The following CDYL2 variants were observed in gnomAD, a reference collection of about 807,000 sequenced individuals.
CDYL2 encodes the protein chromodomain Y like 2, also known as chromodomain Y-like protein 2.
CDYL2 carries 23 observed loss-of-function variants against 49.4 expected under a neutral mutation model. The observed-to-expected ratio is 0.47, with a 90% CI of 0.34 to 0.66. The LOEUF (loss-of-function observed/expected upper bound fraction) is 0.66, where lower values mean the gene tolerates loss of function less well. Among genes scored for constraint, CDYL2 ranks in the 30% least tolerant of loss-of-function variants. The pLI is 0.01. For missense variants in CDYL2, 678 were observed against 656.4 expected, an observed-to-expected ratio of 1.03 and a Z score of -0.36; for synonymous variants, 360 against 268.8, an observed-to-expected ratio of 1.34 and a Z score of -3.32.
rs116510310 is a variant in CDYL2, at chr16:80,669,827, T to C, written c.616+14711A>G. Among the ~76,000 whole-genome samples, 582 of 152,310 alleles carry C rather than the reference T, an allele frequency of 3.8e-3. 6 individuals carry two copies. Among genetic ancestry groups the C allele is most frequent in the African/African-American group, 0.013 (559 of 41,564 alleles). Reference sequence around the variant, plus strand: ...GCTGAGTATTTCTGCACACATGGGCTGTGGTGACACATGGCTCAGCCATGA... The same window carrying C: ...GCTGAGTATTTCTGCACACATGGGCCGTGGTGACACATGGCTCAGCCATGA... On this transcript the variant is annotated intron_variant, in intron 2 of 6. Coordinates refer to ENST00000570137, the MANE Select transcript of CDYL2 (RefSeq NM_152342.4).
At chr16:80,605,742 A>G (rs944825621) in intron 6 of CDYL2, among the ~76,000 whole-genome samples, 1 of 152,112 alleles carries the variant, frequency 6.6e-6, no homozygotes, top group African/African-American at 2.4e-5. Flanking sequence ...GATTGTAGTA[A>G]TATTTGTAAT....
intron 1 of CDYL2, among the ~76,000 whole-genome samples, chr16:80,733,999 G>A (rs1204126403): frequency 6.6e-6 from 1 of 152,138 alleles, no homozygotes; most frequent in Non-Finnish European, 1.5e-5. Flanking sequence ...ATGGGAAACT[G>A]GCTTTGCTAA....
intron 2 of CDYL2, among the ~76,000 whole-genome samples, chr16:80,635,178 C>T (rs566493646): frequency 6.6e-6 from 1 of 152,296 alleles, no homozygotes; most frequent in South Asian, 2.1e-4. Flanking sequence ...TGATCCACCA[C>T]ATCAATAGGC....
intron 1 of CDYL2, among the ~76,000 whole-genome samples, chr16:80,754,564 C>T (rs574160488): frequency 1.3e-5 from 2 of 152,164 alleles, no homozygotes; most frequent in Non-Finnish European, 2.9e-5. Context: ...TAGATGAAGG[C>T]AGTCTAGCGT....
chr16:80,740,506 C>T (rs1366299916), intron 1 of CDYL2, among the ~76,000 whole-genome samples: 1 of 152,148 alleles, frequency 6.6e-6, no homozygotes, highest in Non-Finnish European at 1.5e-5. Flanking sequence ...TTTTTAATAT[C>T]AGTTTAGAAC....
chr16:80,604,870 CTG>C lies in CDYL2; in HGVS notation c.1363-326_1363-325del, dbSNP rs199805537. 9.6e-3 allele frequency among the ~76,000 whole-genome samples: 1,458 copies of C among 152,326 alleles called. 22 individuals carry two copies. Among genetic ancestry groups the C allele is most frequent in the African/African-American group, 0.033 (1,390 of 41,558 alleles). ...GTGTCATGAAAAAGTGTGGGAGACA[CTG>C]TTTTAACCTCCCGTGATTCATTTTC... On this transcript the variant is annotated intron_variant, in intron 6 of 6. Coordinates refer to ENST00000570137, the MANE Select transcript of CDYL2 (RefSeq NM_152342.4).
chr16:80,778,026 G>T (rs921388750), intron 1 of CDYL2, among the ~76,000 whole-genome samples: 4 of 151,820 alleles, frequency 2.6e-5, no homozygotes, highest in African/African-American at 9.7e-5. Flanking sequence ...AAAAAAATCT[G>T]TTACTAAATT....
At chr16:80,648,992 T>C (rs1185276805) in intron 2 of CDYL2, among the ~76,000 whole-genome samples, 1 of 152,100 alleles carries the variant, frequency 6.6e-6, no homozygotes, top group Admixed American at 6.6e-5. Flanking sequence ...GGAATATACC[T>C]CAACATAACA....
intron 3 of CDYL2, among the ~76,000 whole-genome samples, chr16:80,623,276 A>G (rs1907162835): frequency 6.6e-6 from 1 of 152,154 alleles, no homozygotes; most frequent in Non-Finnish European, 1.5e-5. Context: ...TCTACCCCAC[A>G]GTATCTTGGG....
chr16:80,739,758 G>A (rs1365314814), intron 1 of CDYL2, among the ~76,000 whole-genome samples: 1 of 152,192 alleles, frequency 6.6e-6, no homozygotes, highest in African/African-American at 2.4e-5. Context: ...GCTGCTCTCA[G>A]AGAGACAGAG....
intron 1 of CDYL2, among the ~76,000 whole-genome samples, chr16:80,702,461 G>A (rs1904307060): frequency 6.6e-6 from 1 of 152,120 alleles, no homozygotes; most frequent in Non-Finnish European, 1.5e-5. Context: ...ATTAGGAAAA[G>A]CAGACAGGTC....
chr16:80,728,264 A>T (rs2142535664), intron 1 of CDYL2, among the ~76,000 whole-genome samples: 1 of 152,250 alleles, frequency 6.6e-6, no homozygotes, highest in Non-Finnish European at 1.5e-5. Flanking sequence ...GAGCTGATGG[A>T]GCTGAAAGCC....
chr16:80,722,036 G>A (rs77599766), intron 1 of CDYL2, among the ~76,000 whole-genome samples: 1 of 152,192 alleles, frequency 6.6e-6, no homozygotes, highest in African/African-American at 2.4e-5. Flanking sequence ...CAGGAGCTGA[G>A]AGAATGTCTA....
chr16:80,754,731 A>C (rs1052105661), intron 1 of CDYL2, among the ~76,000 whole-genome samples: 2 of 152,174 alleles, frequency 1.3e-5, no homozygotes, highest in African/African-American at 4.8e-5. Context: ...CCTGGCATAG[A>C]GCATGAGCTC....
At chr16:80,686,815 G>A (rs951425310) in intron 1 of CDYL2, among the ~76,000 whole-genome samples, 7 of 152,110 alleles carry the variant, frequency 4.6e-5, no homozygotes, top group African/African-American at 9.7e-5. Flanking sequence ...CCTCTTCATA[G>A]ACAATTTAAA....
chr16:80,764,613 C>T (rs1332501284), intron 1 of CDYL2, among the ~76,000 whole-genome samples: 3 of 152,076 alleles, frequency 2.0e-5, no homozygotes, highest in Non-Finnish European at 4.4e-5. Flanking sequence ...GAAAAACATG[C>T]TCAGGTATGT....
chr16:80,766,262 TCTC>T (rs1906721029), intron 1 of CDYL2, among the ~76,000 whole-genome samples: 1 of 151,874 alleles, frequency 6.6e-6, no homozygotes, highest in Admixed American at 6.6e-5. Flanking sequence ...GTGAATCACA[TCTC>T]AATACAACTT....
intron 2 of CDYL2, among the ~76,000 whole-genome samples, chr16:80,634,847 T>C (rs1281526735): frequency 6.6e-6 from 1 of 152,096 alleles, no homozygotes; most frequent in Admixed American, 6.5e-5. Flanking sequence ...GAATCAATAA[T>C]TAATAAGCTA....
At chr16:80,718,189 A>C (rs1042853213) in intron 1 of CDYL2, among the ~76,000 whole-genome samples, 7 of 152,252 alleles carry the variant, frequency 4.6e-5, no homozygotes, top group Admixed American at 3.3e-4. Flanking sequence ...ACCAGGCTGC[A>C]TAGGGAGTGA....
Sources: gnomAD v4.1 joint callset for allele counts (sites outside exome capture counted in the v4.1 genomes callset) on GRCh38, gnomAD v4.1.1 for gene constraint, MANE v1.5 for transcripts, NCBI Gene and HGNC (gene_info 2026-07-23, HGNC 2026-07-21) for gene names.